The following OSBPL9 variants were observed in gnomAD, a reference collection of about 807,000 sequenced individuals.
OSBPL9 encodes the protein oxysterol-binding protein-related protein 9.
In OSBPL9, 40 loss-of-function variants were observed where a neutral mutation model predicts 106.6. The ratio of observed to expected loss-of-function variants is 0.38; its 90% CI spans 0.29 to 0.49. OSBPL9 has a LOEUF of 0.49. OSBPL9 is among the 20% of genes least tolerant of loss of function. The pLI is 0.97. For missense variants in OSBPL9, 609 were observed against 887.2 expected, an observed-to-expected ratio of 0.69 and a Z score of 3.98; for synonymous variants, 269 against 295.4, an observed-to-expected ratio of 0.91 and a Z score of 0.92.
chr1:51,527,330 GTGA>G, the OSBPL9 span, among the ~76,000 whole-genome samples: 4,264 of 110,184 alleles, frequency 0.039, 91 homozygotes, highest in East Asian at 0.069. Context: ...AATGATGATG[GTGA>G]TGATGATGAT....
chr1:51,710,624 A>G (rs1019635244), intron 3 of OSBPL9, among the ~76,000 whole-genome samples: 1 of 152,234 alleles, frequency 6.6e-6, no homozygotes, highest in African/African-American at 2.4e-5. Flanking sequence ...CTTAATTCAT[A>G]AAGGATATAT....
the OSBPL9 span, among the ~76,000 whole-genome samples, chr1:51,543,744 C>T: frequency 1.3e-5 from 2 of 152,182 alleles, no homozygotes; most frequent in African/African-American, 4.8e-5. Context: ...AGTCACACAT[C>T]TAACTCAAAG....
chr1:51,600,522 A>G (rs1158595410), intron 2 of OSBPL9, among the ~76,000 whole-genome samples: 1 of 152,196 alleles, frequency 6.6e-6, no homozygotes, highest in Non-Finnish European at 1.5e-5. Flanking sequence ...CATTATTATT[A>G]TGTTCTTTTT....
intron 1 of OSBPL9, among the ~76,000 whole-genome samples, chr1:51,636,915 G>C (rs1341787293): frequency 6.6e-6 from 1 of 152,190 alleles, no homozygotes; most frequent in Non-Finnish European, 1.5e-5. Flanking sequence ...ACATGCTAGA[G>C]ATGGTTCAGA....
chr1:51,556,225 T>C, the OSBPL9 span, among the ~76,000 whole-genome samples: 6 of 152,218 alleles, frequency 3.9e-5, no homozygotes, highest in Non-Finnish European at 8.8e-5. Flanking sequence ...TAGACACTAG[T>C]GGCTATTATC....
intron 13 of OSBPL9, 99 bp from the exon 14 acceptor site, chr1:51,772,506 A>C (rs1674153250): frequency 2.0e-6 from 2 of 984,374 alleles, no homozygotes; most frequent in South Asian, 2.7e-5. Flanking sequence ...AAAGAATGAG[A>C]CTCCATCTCA....
At chr1:51,694,916 C>G (rs567154635) in intron 3 of OSBPL9, among the ~76,000 whole-genome samples, 1 of 152,272 alleles carries the variant, frequency 6.6e-6, no homozygotes, top group South Asian at 2.1e-4. Flanking sequence ...GACAAACTCA[C>G]TTCATTCATT....
chr1:51,611,513 A>G (rs1382357470), intron 2 of OSBPL9, among the ~76,000 whole-genome samples: 1 of 152,232 alleles, frequency 6.6e-6, no homozygotes, highest in Non-Finnish European at 1.5e-5. Flanking sequence ...CAAACCAACA[A>G]CAACAGAATG....
At chr1:51,560,839 G>C in the OSBPL9 span, 1 of 152,240 alleles carries the variant, frequency 6.6e-6, no homozygotes, top group Non-Finnish European at 1.5e-5. Flanking sequence ...GAATTTTAAT[G>C]TTTCAGAGTT....
intron 12 of OSBPL9, among the ~76,000 whole-genome samples, chr1:51,771,307 G>A (rs540909183): frequency 1.2e-3 from 187 of 152,186 alleles, no homozygotes; most frequent in African/African-American, 4.4e-3. Context: ...TAAGTAAATT[G>A]TGTGCCTTTT....
intron 1 of OSBPL9, among the ~76,000 whole-genome samples, chr1:51,634,474 T>C (rs1240151795): frequency 6.6e-6 from 1 of 152,182 alleles, no homozygotes; most frequent in Non-Finnish European, 1.5e-5. Flanking sequence ...ACTTTCCCTC[T>C]GAAGGTTTGA....
chr1:51,704,119 A>T (rs562510177), intron 3 of OSBPL9, among the ~76,000 whole-genome samples: 1 of 152,198 alleles, frequency 6.6e-6, no homozygotes, highest in African/African-American at 2.4e-5. Context: ...TGTCTCTGCC[A>T]GGCTTTGGTA....
At chr1:51,689,019 C>T (rs1654409764) in intron 3 of OSBPL9, among the ~76,000 whole-genome samples, 1 of 152,144 alleles carries the variant, frequency 6.6e-6, no homozygotes, top group African/African-American at 2.4e-5. Flanking sequence ...GGTTGTTTAC[C>T]AGGAATATTA....
chr1:51,594,632 A>T (rs982277084), intron 1 of OSBPL9, among the ~76,000 whole-genome samples: 2 of 152,232 alleles, frequency 1.3e-5, no homozygotes, highest in Admixed American at 1.3e-4. Context: ...CAATCTTGCA[A>T]GATCCGTATT....
In OSBPL9 at chr1:51,651,987, T is replaced by G. The variant is rs779155391; in HGVS notation, c.112-4T>G. On this transcript the variant is annotated splice_region_variant and splice_polypyrimidine_tract_variant and intron_variant, in intron 1 of 23. Coordinates refer to ENST00000428468, the MANE Select transcript of OSBPL9 (RefSeq NM_024586.6). Reference sequence around the variant, plus strand: ...ATTCATTGAATGCTTTGTTTTTCTTTTAGTCCAAGGACAAAATGATGAGAG... The same window carrying G: ...ATTCATTGAATGCTTTGTTTTTCTTGTAGTCCAAGGACAAAATGATGAGAG... The G allele has an allele frequency of 6.2e-7, 1 of 1,605,228 alleles. No individual in the cohort carries two copies. Among genetic ancestry groups the G allele is most frequent in the Non-Finnish European group, 8.5e-7 (1 of 1,174,930 alleles).
chr1:51,756,663 A>G (rs922080892), intron 9 of OSBPL9: 2 of 250,266 alleles, frequency 8.0e-6, no homozygotes, highest in African/African-American at 4.4e-5. Context: ...TCAGTGCCAC[A>G]TTTCTTGTCT....
intron 3 of OSBPL9, among the ~76,000 whole-genome samples, chr1:51,691,210 A>G (rs1026604477): frequency 6.6e-6 from 1 of 151,804 alleles, no homozygotes; most frequent in African/African-American, 2.4e-5. Flanking sequence ...CACTTAGGTT[A>G]CACTAGATTT....
chr1:51,577,868 C>T (rs1447905194), intron 1 of OSBPL9, among the ~76,000 whole-genome samples: 2 of 152,118 alleles, frequency 1.3e-5, no homozygotes, highest in African/African-American at 4.8e-5. Context: ...AGGCTCAGAC[C>T]CGGTTCTAGG....
intron 2 of OSBPL9, among the ~76,000 whole-genome samples, chr1:51,657,321 G>A (rs1646878088): frequency 6.6e-6 from 1 of 152,092 alleles, no homozygotes; most frequent in African/African-American, 2.4e-5. Flanking sequence ...ATGGAGAAAG[G>A]GACCATAGAG....
Sources: allele counts gnomAD v4.1 joint callset (sites outside exome capture counted in the v4.1 genomes callset), GRCh38; gene constraint gnomAD v4.1.1; transcripts MANE v1.5; gene names NCBI Gene and HGNC (gene_info 2026-07-23, HGNC 2026-07-21).